The following ZNF469 variants were observed in gnomAD, a reference collection of about 807,000 sequenced individuals.
ZNF469 encodes the protein zinc finger protein 469.
ZNF469 carries 1 observed loss-of-function variant against 1.0 expected under a neutral mutation model. That is an observed-to-expected ratio of 1.00 (90% confidence interval 0.35 to 4.73). ZNF469 has a LOEUF of 4.73. Ranked by LOEUF, ZNF469 falls within the 30% of genes most tolerant of loss-of-function variation. The probability of loss-of-function intolerance (pLI) is 0.16; values close to 1 mark genes in which losing one functional copy is unlikely to be tolerated. For missense variants in ZNF469, 6,100 were observed against 5,356.3 expected, an observed-to-expected ratio of 1.14 and a Z score of -4.33; for synonymous variants, 2,703 against 2,363.4, an observed-to-expected ratio of 1.14 and a Z score of -4.17.
At chr16:88,148,763 T>G in the ZNF469 span, among the ~76,000 whole-genome samples, 1 of 152,114 alleles carries the variant, frequency 6.6e-6, no homozygotes, top group African/African-American at 2.4e-5. Context: ...GGGGCTGGGC[T>G]GTTGGGAGGC....
chr16:88,429,528 G>A lies in ZNF469; in HGVS notation c.2058G>A (p.Glu686=), dbSNP rs1329168043. ...LGAEGAFQCL[E]ETPFPHEGPE... ...CCGAGGGTGCCTTCCAGTGCCTGGA[G>A]GAGACCCCATTCCCCCACGAGGGCC... Residue 686 remains glutamate, a synonymous_variant, in exon 3 of 3, where the codon GAG becomes GAA. Coordinates refer to ENST00000565624, the MANE Select transcript of ZNF469 (RefSeq NM_001367624.2). The A allele has an allele frequency of 8.4e-6, 13 of 1,550,032 alleles. No homozygotes were observed. In the South Asian group the frequency reaches 9.5e-5, roughly 11 times the overall value.
At chr16:88,263,288 T>G in the ZNF469 span, among the ~76,000 whole-genome samples, 96 of 152,288 alleles carry the variant, frequency 6.3e-4, no homozygotes, top group African/African-American at 2.2e-3. Flanking sequence ...GGATTGGGAT[T>G]CACTGGTGTA....
At chr16:88,275,567 A>C in the ZNF469 span, among the ~76,000 whole-genome samples, 1 of 152,044 alleles carries the variant, frequency 6.6e-6, no homozygotes, top group East Asian at 1.9e-4. Flanking sequence ...GCATCCTTCC[A>C]CCTCTGTCAT....
the ZNF469 span, among the ~76,000 whole-genome samples, chr16:88,247,701 G>A: frequency 1.3e-5 from 2 of 151,968 alleles, no homozygotes; most frequent in Non-Finnish European, 2.9e-5. Context: ...GAGTGAGTGA[G>A]TGAATGAGTG....
the ZNF469 span, among the ~76,000 whole-genome samples, chr16:88,355,050 G>A: frequency 3.3e-5 from 5 of 152,246 alleles, no homozygotes; most frequent in East Asian, 3.9e-4. Context: ...ACGTGGGCTC[G>A]CGGCCCTGTC....
the ZNF469 span, among the ~76,000 whole-genome samples, chr16:88,324,647 A>C: frequency 1.3e-4 from 20 of 152,256 alleles, no homozygotes; most frequent in Admixed American, 1.3e-3. Context: ...GGGTGAGTGC[A>C]TAAGGGACTG....
Position 88,436,232 on chromosome 16 carries a change from G to A in ZNF469, c.8762G>A (p.Cys2921Tyr), listed in dbSNP as rs1029645463. The stretch of plus-strand genomic sequence containing the variant: ...AGCGACTCCAGCTCCCTCTGCCTCT[G>A]CCATGAGGACCCGTGGGAGGACGAG... Reference protein sequence around the residue: ...DLSDSSSLCLCHEDPWEDEDP... With the variant: ...DLSDSSSLCLYHEDPWEDEDP... Residue 2921 changes from cysteine to tyrosine, a missense_variant, in exon 3 of 3, where the codon TGC becomes TAC. By Grantham distance (194) the Cys-to-Tyr change is radical. Coordinates refer to ENST00000565624, the MANE Select transcript of ZNF469 (RefSeq NM_001367624.2). The A allele has an allele frequency of 2.3e-5, 36 of 1,549,198 alleles. No homozygotes were observed. The highest frequency in any genetic ancestry group is 2.9e-5 in the Non-Finnish European group (33 of 1,146,884).
At chr16:88,322,530 C>G in the ZNF469 span, among the ~76,000 whole-genome samples, 1 of 152,238 alleles carries the variant, frequency 6.6e-6, no homozygotes, top group African/African-American at 2.4e-5. Context: ...TCTCATGGCT[C>G]CAGCACAGAT....
intron 1 of ZNF469, among the ~76,000 whole-genome samples, chr16:88,412,366 T>A (rs1268130575): frequency 6.6e-6 from 1 of 152,058 alleles, no homozygotes; most frequent in African/African-American, 2.4e-5. Flanking sequence ...TGAGCCCTAC[T>A]GTGTGACCGC....
chr16:88,407,697 C>A (rs915850763), intron 1 of ZNF469, among the ~76,000 whole-genome samples: 1 of 152,198 alleles, frequency 6.6e-6, no homozygotes, highest in African/African-American at 2.4e-5. Flanking sequence ...TGGTTCCTAG[C>A]CCCCAAGTCC....
the ZNF469 span, among the ~76,000 whole-genome samples, chr16:88,231,049 G>A: frequency 6.6e-6 from 1 of 152,254 alleles, no homozygotes; most frequent in African/African-American, 2.4e-5. The surrounding 1 kb of genome is among the most constrained non-coding windows in gnomAD (Gnocchi z 4.5). Flanking sequence ...CAGACCAGCC[G>A]CACGTGCCCT....
the ZNF469 span, among the ~76,000 whole-genome samples, chr16:88,132,769 C>T: frequency 1.4e-3 from 213 of 152,340 alleles, 1 homozygote; most frequent in Non-Finnish European, 2.3e-3. Context: ...CAGTGGCCCT[C>T]TGCCATGTCA....
At chr16:88,176,165 A>G in the ZNF469 span, among the ~76,000 whole-genome samples, 2 of 150,880 alleles carry the variant, frequency 1.3e-5, no homozygotes, top group Admixed American at 1.3e-4. Flanking sequence ...AAGCTCATAA[A>G]ATGCTTCCAT....
the ZNF469 span, among the ~76,000 whole-genome samples, chr16:88,245,850 G>C: frequency 6.6e-6 from 1 of 152,296 alleles, no homozygotes; most frequent in African/African-American, 2.4e-5. Flanking sequence ...CAGACATTGA[G>C]CGTGCCTGGT....
the ZNF469 span, among the ~76,000 whole-genome samples, chr16:88,249,641 T>C: frequency 4.3e-4 from 66 of 152,172 alleles, 2 homozygotes; most frequent in South Asian, 9.4e-3. Flanking sequence ...TTTCACCGTG[T>C]TAGCCAGGAT....
At chr16:88,167,738 G>T in the ZNF469 span, among the ~76,000 whole-genome samples, 1 of 152,204 alleles carries the variant, frequency 6.6e-6, no homozygotes, top group Admixed American at 6.5e-5. Context: ...GGGCAGAGCT[G>T]CAAATGGGGG....
At position 88,428,539 on chromosome 16, in the gene ZNF469, T is replaced by C. The variant is rs11648572; in HGVS notation, c.1069T>C (p.Ser357Pro). The change falls in exon 3 of 3, where the codon TCC becomes CCC. Residue 357 changes from serine (S) to proline (P), a missense_variant. Transcript: ENST00000565624. ...CAGCGACCTCAGTGGTGCCCTCTCT[T>C]CCCCTGGAGCTGCTCACTCGGCCCC... is the stretch of plus-strand genomic sequence containing the variant. ...RHSDLSGALS[S>P]PGAAHSAPRP... 1,492,109 of 1,550,024 alleles carry C rather than the reference T, an allele frequency of 0.96. 718,403 individuals carry two copies. The highest frequency in any genetic ancestry group is 1 in the East Asian group (40,876 of 40,878).
intron 1 of ZNF469, among the ~76,000 whole-genome samples, chr16:88,399,073 C>T (rs1414692481): frequency 6.6e-6 from 1 of 152,264 alleles, no homozygotes; most frequent in Non-Finnish European, 1.5e-5. Flanking sequence ...CAATGGTCTC[C>T]CCTGTTCCGA....
At chr16:88,185,956 C>G in the ZNF469 span, among the ~76,000 whole-genome samples, 1 of 152,172 alleles carries the variant, frequency 6.6e-6, no homozygotes, top group Non-Finnish European at 1.5e-5. Context: ...CATGCACACA[C>G]ACACGCATAC....
Sources: allele counts gnomAD v4.1 joint callset (sites outside exome capture counted in the v4.1 genomes callset), GRCh38; gene constraint gnomAD v4.1.1; non-coding constraint Gnocchi (gnomAD v3.1); transcripts MANE v1.5; gene names NCBI Gene and HGNC (gene_info 2026-07-23, HGNC 2026-07-21).